CHRM3: variants seen among roughly 807,000 people sequenced by gnomAD.
CHRM3 encodes the protein cholinergic receptor muscarinic 3.
A neutral mutation model predicts 41.8 loss-of-function variants in CHRM3; 11 were observed. The ratio of observed to expected loss-of-function variants is 0.26; its 90% confidence interval spans 0.17 to 0.44. The LOEUF is 0.44. Among genes scored for constraint, CHRM3 ranks in the 20% least tolerant of loss-of-function variants. The probability of loss-of-function intolerance (pLI) is 1.00; values close to 1 mark genes in which losing one functional copy is unlikely to be tolerated. For synonymous variants in CHRM3, 297 were observed against 301.4 expected, an observed-to-expected ratio of 0.99 and a Z score of 0.15; for missense variants, 571 against 745.4, an observed-to-expected ratio of 0.77 and a Z score of 2.72.
At chr1:239,839,796 G>C (rs150366330) in intron 6 of CHRM3, among the ~76,000 whole-genome samples, 1 of 148,794 alleles carries the variant, frequency 6.7e-6, no homozygotes, top group Non-Finnish European at 1.5e-5. Flanking sequence ...ATTCAGTGGC[G>C]GGGCGGGGGG....
chr1:239,750,326 C>A (rs1017277267), intron 5 of CHRM3, among the ~76,000 whole-genome samples: 1 of 152,164 alleles, frequency 6.6e-6, no homozygotes, highest in Non-Finnish European at 1.5e-5. Context: ...AAAAAACATT[C>A]AGGACCTATG....
intron 1 of CHRM3, among the ~76,000 whole-genome samples, chr1:239,423,936 T>C (rs1662153731): frequency 6.6e-6 from 1 of 151,088 alleles, no homozygotes; most frequent in South Asian, 2.1e-4. Context: ...GCACTTGTAG[T>C]CCCAGCTACT....
chr1:239,498,106 C>T (rs995332382), intron 2 of CHRM3, among the ~76,000 whole-genome samples: 23 of 152,048 alleles, frequency 1.5e-4, no homozygotes, highest in African/African-American at 2.9e-4. Flanking sequence ...GTCCTAGTAG[C>T]GGGAACTGAC....
At chr1:239,791,063 A>AC (rs1424920029) in intron 5 of CHRM3, among the ~76,000 whole-genome samples, 20 of 151,506 alleles carry the variant, frequency 1.3e-4, no homozygotes, top group African/African-American at 2.7e-4. Context: ...AAAAAAAAAA[A>AC]ACACACAAAA....
intron 6 of CHRM3, among the ~76,000 whole-genome samples, chr1:239,847,131 C>T (rs992393752): frequency 1.3e-5 from 2 of 152,156 alleles, no homozygotes; most frequent in Admixed American, 6.5e-5. Context: ...CCCATCACAT[C>T]TGTATTCCAA....
At chr1:239,532,262 C>G (rs1157252700) in intron 2 of CHRM3, among the ~76,000 whole-genome samples, 3 of 145,096 alleles carry the variant, frequency 2.1e-5, no homozygotes, top group South Asian at 2.2e-4. Context: ...CCGCCCACCT[C>G]GGCCTCCCAA....
intron 1 of CHRM3, among the ~76,000 whole-genome samples, chr1:239,457,058 ATTCCC>A (rs1664996846): frequency 6.6e-6 from 1 of 152,160 alleles, no homozygotes; most frequent in Admixed American, 6.5e-5. Flanking sequence ...TGTTGCTGTC[ATTCCC>A]CGGAAATCCT....
At chr1:239,511,514 A>G (rs74784265) in intron 2 of CHRM3, among the ~76,000 whole-genome samples, 4,573 of 152,302 alleles carry the variant, frequency 0.03, 173 homozygotes, top group African/African-American at 0.086. Context: ...TTTTCTCCTT[A>G]AAAAGTAATT....
At chr1:239,672,339 G>A (rs1180061582) in intron 4 of CHRM3, among the ~76,000 whole-genome samples, 1 of 152,018 alleles carries the variant, frequency 6.6e-6, no homozygotes, top group African/African-American at 2.4e-5. Flanking sequence ...CCTCAGAAAA[G>A]GCTTCAGAAA....
chr1:239,404,450 GAA>G (rs1558196061), intron 1 of CHRM3, among the ~76,000 whole-genome samples: 52 of 137,676 alleles, frequency 3.8e-4, no homozygotes, highest in East Asian at 6.7e-4. Flanking sequence ...AAGAAAGAAA[GAA>G]AGAAAGAAAG....
At chr1:239,416,365 A>G (rs1661502802) in intron 1 of CHRM3, among the ~76,000 whole-genome samples, 2 of 152,102 alleles carry the variant, frequency 1.3e-5, no homozygotes, top group Admixed American at 1.3e-4. Flanking sequence ...ACAGAACAAT[A>G]ATACTACTCT....
At chr1:239,822,112 T>A (rs141017747) in intron 5 of CHRM3, among the ~76,000 whole-genome samples, 2 of 152,324 alleles carry the variant, frequency 1.3e-5, no homozygotes, top group Non-Finnish European at 2.9e-5. Context: ...TATAGCAGTG[T>A]GAGAACAGAC....
intron 3 of CHRM3, among the ~76,000 whole-genome samples, chr1:239,624,999 A>G: frequency 5.6e-5 from 3 of 53,448 alleles, no homozygotes; most frequent in Non-Finnish European, 3.3e-5. Flanking sequence ...TTTTGGTTCC[A>G]TATGAACTTT....
At chr1:239,868,739 C>A (rs1339798548) in intron 6 of CHRM3, among the ~76,000 whole-genome samples, 1 of 152,148 alleles carries the variant, frequency 6.6e-6, no homozygotes, top group Non-Finnish European at 1.5e-5. Flanking sequence ...ATCCTTCAGT[C>A]CAATCTCAAA....
At chr1:239,418,740 T>A (rs57528997) in intron 1 of CHRM3, among the ~76,000 whole-genome samples, 1,635 of 152,286 alleles carry the variant, frequency 0.011, 31 homozygotes, top group African/African-American at 0.037. Context: ...TTGGAAAAAA[T>A]TTCTGTTGCT....
At chr1:239,490,669 C>G (rs1667495822) in intron 1 of CHRM3, among the ~76,000 whole-genome samples, 1 of 152,104 alleles carries the variant, frequency 6.6e-6, no homozygotes. Context: ...TCAAGCAATC[C>G]TTTGGCCTCA....
At chr1:239,614,998 G>C (rs1667476946) in intron 3 of CHRM3, among the ~76,000 whole-genome samples, 1 of 152,088 alleles carries the variant, frequency 6.6e-6, no homozygotes, top group African/African-American at 2.4e-5. Context: ...GAATACAAAG[G>C]TATTATACTC....
Position 239,915,206 on chromosome 1 carries a change from C to T in CHRM3, c.*5982C>T, listed in dbSNP as rs528411271. On this transcript the variant is annotated 3_prime_UTR_variant, in exon 7 of 7. Coordinates refer to ENST00000676153, the MANE Select transcript of CHRM3 (RefSeq NM_001375978.1). Reference sequence around the variant, plus strand: ...TGCTTTGTAAGCAAAGGGCATGTATCATACTCGCATCTAAAACAGTGTCCA... The same window carrying T: ...TGCTTTGTAAGCAAAGGGCATGTATTATACTCGCATCTAAAACAGTGTCCA... The T allele has an allele frequency of 6.0e-6, 1 of 167,110 alleles. No individual in the cohort carries two copies. The highest frequency in any genetic ancestry group is 1.9e-4 in the East Asian group (1 of 5,198). 10.4% of individuals were successfully genotyped at this position (167,110 alleles called of 1,614,324 possible).
intron 1 of CHRM3, among the ~76,000 whole-genome samples, chr1:239,449,800 A>G (rs956053419): frequency 7.9e-5 from 12 of 151,846 alleles, no homozygotes; most frequent in Admixed American, 7.2e-4. Context: ...ATTGTATCAT[A>G]GAGGCAGTGT....
Sources: gnomAD v4.1 joint callset for allele counts (sites outside exome capture counted in the v4.1 genomes callset) on GRCh38, gnomAD v4.1.1 for gene constraint, MANE v1.5 for transcripts, NCBI Gene and HGNC (gene_info 2026-07-23, HGNC 2026-07-21) for gene names.